Variants in ZNF407 observed in about 807,000 individuals in gnomAD.
ZNF407 encodes the protein zinc finger protein 407.
A neutral mutation model predicts 131.2 loss-of-function variants in ZNF407; 17 were observed. That is an observed-to-expected ratio of 0.13 (90% CI 0.09 to 0.19). ZNF407 has a LOEUF of 0.19. Among genes scored for constraint, ZNF407 ranks in the 10% least tolerant of loss-of-function variants. The probability of loss-of-function intolerance (pLI) is 1.00; values close to 1 mark genes in which losing one functional copy is unlikely to be tolerated. For synonymous variants in ZNF407, 1,156 were observed against 1,062.0 expected, an observed-to-expected ratio of 1.09 and a Z score of -1.72; for missense variants, 2,681 against 2,830.6, an observed-to-expected ratio of 0.95 and a Z score of 1.20.
rs117408785 is a variant in ZNF407, at chr18:74,958,093, T to A, written c.5428+37401T>A. Among the ~76,000 whole-genome samples, 91 of 152,326 alleles carry A rather than the reference T, an allele frequency of 6.0e-4. 1 individual carries two copies. The East Asian group carries it at 0.017, about 28-fold the overall frequency. On this transcript the variant is annotated intron_variant, in intron 8 of 8. Coordinates refer to ENST00000299687, the MANE Select transcript of ZNF407 (RefSeq NM_017757.3). ...GTCTCACTTACACTGTGAAGTGGTC[T>A]AAAAATGTTCGTCTTCACCTACGAG...
At chr18:74,830,249 G>T (rs1970463771) in intron 4 of ZNF407, among the ~76,000 whole-genome samples, 1 of 152,034 alleles carries the variant, frequency 6.6e-6, no homozygotes, top group Non-Finnish European at 1.5e-5. Flanking sequence ...GCACACTAAT[G>T]TACACCCACA....
At chr18:74,749,659 T>G (rs1433178288) in intron 3 of ZNF407, among the ~76,000 whole-genome samples, 1 of 152,196 alleles carries the variant, frequency 6.6e-6, no homozygotes, top group African/African-American at 2.4e-5. Flanking sequence ...ATTTCAGAAT[T>G]TATTGGCTCC....
At chr18:74,810,698 A>C (rs1380358171) in intron 4 of ZNF407, among the ~76,000 whole-genome samples, 1 of 152,148 alleles carries the variant, frequency 6.6e-6, no homozygotes, top group Non-Finnish European at 1.5e-5. Context: ...ATATCGCCGC[A>C]TATCTACAAC....
intron 3 of ZNF407, among the ~76,000 whole-genome samples, chr18:74,650,227 C>G (rs1015557927): frequency 1.3e-5 from 2 of 152,196 alleles, no homozygotes; most frequent in African/African-American, 2.4e-5. Context: ...CCACCCCTCC[C>G]TGCTGTCTCT....
chr18:75,044,008 CTACTATATGT>C (rs1973403668), intron 8 of ZNF407, among the ~76,000 whole-genome samples: 1 of 152,096 alleles, frequency 6.6e-6, no homozygotes, highest in Non-Finnish European at 1.5e-5. Context: ...TTTTTGGTAT[CTACTATATGT>C]TTCTGTAAAA....
intron 3 of ZNF407, among the ~76,000 whole-genome samples, chr18:74,777,604 A>G (rs1969499823): frequency 6.6e-6 from 1 of 152,226 alleles, no homozygotes; most frequent in Non-Finnish European, 1.5e-5. Context: ...TCCAATCCAT[A>G]TAGAAATTTG....
chr18:75,052,472 T>C (rs780957660), intron 8 of ZNF407, among the ~76,000 whole-genome samples: 1 of 152,190 alleles, frequency 6.6e-6, no homozygotes, highest in Non-Finnish European at 1.5e-5. Flanking sequence ...GGTCCTCCCA[T>C]GTCCCTTGAA....
At chr18:74,896,525 G>A (rs1971455570) in intron 7 of ZNF407, among the ~76,000 whole-genome samples, 1 of 152,190 alleles carries the variant, frequency 6.6e-6, no homozygotes, top group Non-Finnish European at 1.5e-5. Flanking sequence ...AACTGTCTGT[G>A]CAGTGCTTGC....
intron 7 of ZNF407, among the ~76,000 whole-genome samples, chr18:74,903,753 G>C (rs1894200002): frequency 6.6e-6 from 1 of 152,182 alleles, no homozygotes; most frequent in African/African-American, 2.4e-5. Flanking sequence ...CTGCCATCCA[G>C]GCAGGAGATT....
intron 7 of ZNF407, among the ~76,000 whole-genome samples, chr18:74,911,780 C>T (rs1971675912): frequency 6.6e-6 from 1 of 152,196 alleles, no homozygotes; most frequent in African/African-American, 2.4e-5. Flanking sequence ...GCGATCACTC[C>T]ATGCTGTCAA....
chr18:74,767,883 G>C (rs554714164), intron 3 of ZNF407, among the ~76,000 whole-genome samples: 3 of 146,614 alleles, frequency 2.0e-5, no homozygotes, highest in African/African-American at 7.5e-5. Flanking sequence ...TGCCAGGATG[G>C]TCTCGATTTC....
At chr18:74,799,219 A>G (rs904453779) in intron 4 of ZNF407, among the ~76,000 whole-genome samples, 1 of 152,158 alleles carries the variant, frequency 6.6e-6, no homozygotes, top group African/African-American at 2.4e-5. Context: ...TAAATTTAGC[A>G]CGGAGGTTTG....
chr18:74,875,170 A>T (rs1971139059), intron 4 of ZNF407, among the ~76,000 whole-genome samples: 1 of 152,214 alleles, frequency 6.6e-6, no homozygotes, highest in Admixed American at 6.5e-5. Context: ...TTATAAGGAC[A>T]GTTTACATAG....
At chr18:74,896,954 T>C (rs552744938) in intron 7 of ZNF407, among the ~76,000 whole-genome samples, 4 of 152,346 alleles carry the variant, frequency 2.6e-5, no homozygotes, top group South Asian at 2.1e-4. Flanking sequence ...TAGTGAATTT[T>C]ATCTCATCAG....
chr18:74,891,101 A>G (rs1209190707), intron 7 of ZNF407, among the ~76,000 whole-genome samples: 1 of 152,188 alleles, frequency 6.6e-6, no homozygotes, highest in Non-Finnish European at 1.5e-5. Flanking sequence ...ATGATGAGGT[A>G]TGTGTAGAGA....
intron 1 of ZNF407, among the ~76,000 whole-genome samples, chr18:74,617,453 A>T (rs1983365149): frequency 6.6e-6 from 1 of 152,232 alleles, no homozygotes; most frequent in South Asian, 2.1e-4. Context: ...TTCTTTAATC[A>T]GGAATATTTT....
At chr18:74,666,810 A>C (rs967691829) in intron 3 of ZNF407, among the ~76,000 whole-genome samples, 4 of 152,190 alleles carry the variant, frequency 2.6e-5, no homozygotes, top group Non-Finnish European at 5.9e-5. Context: ...TGAATTACAT[A>C]TCATAAATCT....
At chr18:75,055,746 G>A (rs1160538229) in intron 8 of ZNF407, among the ~76,000 whole-genome samples, 2 of 152,036 alleles carry the variant, frequency 1.3e-5, no homozygotes, top group Non-Finnish European at 2.9e-5. Flanking sequence ...TCTTTTCAGG[G>A]GTTTTATATG....
At chr18:74,909,558 T>C (rs1237630531) in intron 7 of ZNF407, among the ~76,000 whole-genome samples, 1 of 152,162 alleles carries the variant, frequency 6.6e-6, no homozygotes, top group African/African-American at 2.4e-5. Flanking sequence ...GTGGTTTTTT[T>C]TGTAATTTTC....
Sources: gnomAD v4.1 joint callset for allele counts (sites outside exome capture counted in the v4.1 genomes callset) on GRCh38, gnomAD v4.1.1 for gene constraint, MANE v1.5 for transcripts, NCBI Gene and HGNC (gene_info 2026-07-23, HGNC 2026-07-21) for gene names.